Variants in RELN observed in about 807,000 individuals in gnomAD.
RELN encodes the protein reelin.
RELN carries 108 observed loss-of-function variants against 427.6 expected under a neutral mutation model. That is an observed-to-expected ratio of 0.25 (90% CI 0.22 to 0.30). RELN has a LOEUF of 0.30. RELN is among the 10% of genes least tolerant of loss of function. The pLI is 1.00. For missense variants in RELN, 3,715 were observed against 4,302.8 expected (o/e 0.86, Z 3.82); for synonymous variants, 1,524 against 1,513.4 (o/e 1.01, Z -0.16).
intron 26 of RELN, among the ~76,000 whole-genome samples, 160 bp from the exon 27 acceptor site, chr7:103,594,042 T>C (rs1463465376): frequency 6.6e-6 from 1 of 152,192 alleles, no homozygotes; most frequent in Non-Finnish European, 1.5e-5. Flanking sequence ...CTTTTTCTCC[T>C]GATGATTCAA....
intron 2 of RELN, among the ~76,000 whole-genome samples, chr7:103,906,628 G>C (rs1795212282): frequency 6.6e-6 from 1 of 152,062 alleles, no homozygotes; most frequent in Admixed American, 6.6e-5. Context: ...TTGTTCCTTG[G>C]ATTCAGCTCA....
chr7:103,688,183 A>G (rs1833801891), intron 10 of RELN, among the ~76,000 whole-genome samples: 1 of 152,112 alleles, frequency 6.6e-6, no homozygotes, highest in African/African-American at 2.4e-5. Flanking sequence ...AGGAAATCAT[A>G]GTTAACATTC....
chr7:103,900,225 A>G (rs1325002272), intron 2 of RELN, among the ~76,000 whole-genome samples: 1 of 152,178 alleles, frequency 6.6e-6, no homozygotes, highest in African/African-American at 2.4e-5. Flanking sequence ...AACACCTAGG[A>G]ATACAACTTA....
At chr7:103,855,797 A>G (rs1793931473) in intron 2 of RELN, among the ~76,000 whole-genome samples, 1 of 152,102 alleles carries the variant, frequency 6.6e-6, no homozygotes, top group African/African-American at 2.4e-5. Context: ...TTAACATGGC[A>G]TTCTCCCTGT....
chr7:103,638,023 AG>A (rs1338334156), intron 17 of RELN, among the ~76,000 whole-genome samples: 2 of 152,166 alleles, frequency 1.3e-5, no homozygotes, highest in Non-Finnish European at 2.9e-5. Context: ...AAGGTTATTC[AG>A]TTGAGATATA....
intron 10 of RELN, among the ~76,000 whole-genome samples, chr7:103,695,527 G>A (rs980219561): frequency 6.6e-6 from 1 of 152,022 alleles, no homozygotes; most frequent in Non-Finnish European, 1.5e-5. Flanking sequence ...AATTACTACC[G>A]AAGCAAAACC....
At chr7:103,821,800 C>CTTTT (rs11320394) in intron 3 of RELN, among the ~76,000 whole-genome samples, 1 of 151,916 alleles carries the variant, frequency 6.6e-6, no homozygotes, top group South Asian at 2.1e-4. Context: ...AATTAGAAGG[C>CTTTT]TTTTCACTGT....
At chr7:103,507,100 C>T (rs570157725) in intron 51 of RELN, among the ~76,000 whole-genome samples, 36 of 151,952 alleles carry the variant, frequency 2.4e-4, no homozygotes, top group South Asian at 4.2e-4. Context: ...TTTTTAACAC[C>T]GCACTGTCAA....
intron 16 of RELN, among the ~76,000 whole-genome samples, chr7:103,647,027 C>A (rs1286348031): frequency 6.6e-6 from 1 of 151,834 alleles, no homozygotes; most frequent in Non-Finnish European, 1.5e-5. Context: ...AATAAAAACC[C>A]TCAACAAACT....
chr7:103,883,449 A>C (rs1340561847), intron 2 of RELN, among the ~76,000 whole-genome samples: 1 of 152,242 alleles, frequency 6.6e-6, no homozygotes, highest in African/African-American at 2.4e-5. Context: ...CAGGCAAGAG[A>C]AAGAAATAAG....
At chr7:103,566,097 T>C (rs1264214028) in intron 33 of RELN, 127 bp downstream of exon 33, 2 of 825,852 alleles carry the variant, frequency 2.4e-6, no homozygotes, top group African/African-American at 1.7e-5. Context: ...TTTTTTTCAC[T>C]GAGAGCCACC....
intron 44 of RELN, among the ~76,000 whole-genome samples, chr7:103,539,912 A>C (rs1221847595): frequency 6.6e-6 from 1 of 152,250 alleles, no homozygotes; most frequent in Non-Finnish European, 1.5e-5. Flanking sequence ...ATAACCTTGT[A>C]TCACGCTTGA....
chr7:103,758,831 C>T (rs987370602), intron 4 of RELN, among the ~76,000 whole-genome samples: 24 of 151,512 alleles, frequency 1.6e-4, no homozygotes, highest in Non-Finnish European at 2.7e-4. Flanking sequence ...CAAATTCTCT[C>T]TCCAGTGGGG....
At chr7:103,623,369 AG>A (rs1832261013) in intron 20 of RELN, among the ~76,000 whole-genome samples, 1 of 152,250 alleles carries the variant, frequency 6.6e-6, no homozygotes, top group Non-Finnish European at 1.5e-5. Context: ...ACTATTTAAA[AG>A]ACAAAATTTC....
At chr7:103,635,399 A>AT (rs781140883) in intron 19 of RELN, 26 bp downstream of exon 19, 2 of 1,612,474 alleles carry the variant, frequency 1.2e-6, no homozygotes, top group Admixed American at 3.3e-5. Context: ...CTCTACAACC[A>AT]TTTTTCCAAA....
intron 20 of RELN, among the ~76,000 whole-genome samples, chr7:103,613,605 A>G (rs1423488054): frequency 6.6e-6 from 1 of 152,232 alleles, no homozygotes; most frequent in Non-Finnish European, 1.5e-5. Context: ...TGTAAGAAAT[A>G]GGCATTGCTT....
At position 103,557,106 on chromosome 7, in the gene RELN, T is replaced by C. The variant is rs147026512; in HGVS notation, c.5668A>G (p.Ile1890Val). The C allele has an allele frequency of 5.5e-5, 89 of 1,613,652 alleles. No individual in the cohort carries two copies. The African/African-American group carries it at 1.1e-3, about 19-fold the overall frequency. ...ILLQFSISGG[I>V]TWHLMDEFYF... ...AATTCATCCATCAGGTGCCAAGTGATTCCTCCACTGATGGAGAATTGTAAC... is the reference window on the plus strand; with the variant it reads ...AATTCATCCATCAGGTGCCAAGTGACTCCTCCACTGATGGAGAATTGTAAC... Residue 1890 changes from isoleucine (I) to valine (V), a missense_variant, in exon 38 of 65, where the codon ATC (isoleucine) becomes GTC (valine). Ile to Val is a conservative substitution (Grantham distance 29, BLOSUM62 3). This residue lies in a region of RELN where 2,208 missense variants were observed against 2,361.7 expected (regional missense o/e 0.93). Transcript: ENST00000428762.
intron 10 of RELN, among the ~76,000 whole-genome samples, chr7:103,692,353 T>C (rs1833889866): frequency 1.3e-5 from 2 of 152,102 alleles, no homozygotes; most frequent in Admixed American, 6.6e-5. Flanking sequence ...GAGAATCTAC[T>C]GGTAGATTCC....
intron 28 of RELN, among the ~76,000 whole-genome samples, chr7:103,587,391 G>A (rs2098178): frequency 0.74 from 112,999 of 152,050 alleles, 42,314 homozygotes; most frequent in African/African-American, 0.83. Context: ...AAAATGGATT[G>A]GACTTAAACA....
Sources: allele counts gnomAD v4.1 joint callset (sites outside exome capture counted in the v4.1 genomes callset), GRCh38; gene constraint gnomAD v4.1.1; regional missense constraint gnomAD v4.1.1; transcripts MANE v1.5; gene names NCBI Gene and HGNC (gene_info 2026-07-23, HGNC 2026-07-21).